Variants in ECHDC1 observed in about 807,000 individuals in gnomAD.
ECHDC1 encodes ethylmalonyl-CoA decarboxylase 1.
In ECHDC1, 29 loss-of-function variants were observed where a neutral mutation model predicts 29.7. That is an observed-to-expected ratio of 0.98 (90% CI 0.73 to 1.33). The LOEUF is 1.33. ECHDC1 is among the 40% of genes most tolerant of loss of function. The pLI, the probability that ECHDC1 is intolerant of heterozygous loss-of-function variation, is 0.00. For synonymous variants in ECHDC1, 126 were observed against 123.1 expected (o/e 1.02, Z -0.15); for missense variants, 328 against 350.0 (o/e 0.94, Z 0.50).
At chr6:127,304,885 A>T (rs1781329437) in intron 5 of ECHDC1, among the ~76,000 whole-genome samples, 1 of 152,176 alleles carries the variant, frequency 6.6e-6, no homozygotes. Context: ...AAAAGAAAAA[A>T]GATAAAAAAG....
intron 1 of ECHDC1, among the ~76,000 whole-genome samples, chr6:127,341,340 T>C (rs1250850987): frequency 6.6e-6 from 1 of 152,216 alleles, no homozygotes; most frequent in African/African-American, 2.4e-5. Flanking sequence ...GAGACTATCT[T>C]AGACAAAAGC....
chr6:127,339,784 AAAAAAG>A (rs1377635759), intron 1 of ECHDC1, among the ~76,000 whole-genome samples: 25 of 152,076 alleles, frequency 1.6e-4, no homozygotes, highest in African/African-American at 5.1e-4. Context: ...CAAAAAAAAA[AAAAAAG>A]AAAGAAAGAA....
At chr6:127,319,461 GTA>G (rs1782665450) in intron 3 of ECHDC1, among the ~76,000 whole-genome samples, 1 of 152,138 alleles carries the variant, frequency 6.6e-6, no homozygotes, top group Admixed American at 6.5e-5. Flanking sequence ...TAGATAATGA[GTA>G]TGTTTTGGTT....
intron 5 of ECHDC1, among the ~76,000 whole-genome samples, chr6:127,297,022 AAG>A (rs996023417): frequency 6.6e-6 from 1 of 152,138 alleles, no homozygotes; most frequent in African/African-American, 2.4e-5. Flanking sequence ...AAGAAAAAAA[AAG>A]AGAAAAAAAA....
rs188906343 is a variant in ECHDC1, at chr6:127,341,030, G to C, written c.-3+2306C>G. ...AACATTAAATATTTAAGTAATAGTA[G>C]TATTTTGCCTCATTAGACATCTTTG... On this transcript the variant is annotated intron_variant, in intron 1 of 5. Coordinates refer to ENST00000454859, the MANE Select transcript of ECHDC1 (RefSeq NM_001002030.2). 2.6e-4 allele frequency among the ~76,000 whole-genome samples: 40 copies of C among 152,234 alleles called. 1 individual carries two copies. The highest frequency in any genetic ancestry group is 2.3e-3 in the Admixed American group (35 of 15,294).
At chr6:127,324,221 T>C (rs896455555) in intron 3 of ECHDC1, among the ~76,000 whole-genome samples, 1 of 152,182 alleles carries the variant, frequency 6.6e-6, no homozygotes, top group Non-Finnish European at 1.5e-5. Context: ...AAAGTGATGA[T>C]ATTGAATTTG....
At chr6:127,332,964 T>C (rs1784097297) in intron 1 of ECHDC1, among the ~76,000 whole-genome samples, 1 of 152,186 alleles carries the variant, frequency 6.6e-6, no homozygotes, top group Non-Finnish European at 1.5e-5. Flanking sequence ...AGCTAATTTT[T>C]CTATTTTTAG....
At chr6:127,324,724 A>T (rs568653216) in intron 3 of ECHDC1, among the ~76,000 whole-genome samples, 139 of 152,344 alleles carry the variant, frequency 9.1e-4, no homozygotes, top group African/African-American at 3.2e-3. Context: ...TAGGGGAGTG[A>T]CAAAAGAAGA....
At chr6:127,342,881 T>C (rs2114728092) in intron 1 of ECHDC1, 1 of 153,256 alleles carries the variant, frequency 6.5e-6, no homozygotes, top group East Asian at 1.9e-4. Context: ...TCTTGAAAAG[T>C]TGGCTGCACG....
intron 5 of ECHDC1, among the ~76,000 whole-genome samples, chr6:127,300,636 T>C (rs1460406967): frequency 1.3e-5 from 2 of 152,156 alleles, no homozygotes; most frequent in Non-Finnish European, 2.9e-5. Flanking sequence ...CAAAGACTCA[T>C]CCCCCATCTG....
chr6:127,311,756 A>G (rs1781954951), intron 5 of ECHDC1, among the ~76,000 whole-genome samples: 1 of 147,274 alleles, frequency 6.8e-6, no homozygotes, highest in South Asian at 2.2e-4. Context: ...TTTATATCAG[A>G]AAAAAAACAG....
intron 5 of ECHDC1, among the ~76,000 whole-genome samples, chr6:127,293,308 T>G (rs1037077296): frequency 2.6e-5 from 4 of 152,184 alleles, no homozygotes; most frequent in African/African-American, 9.6e-5. Flanking sequence ...TGTTGATTAT[T>G]AAAGCAAGGT....
At chr6:127,307,577 A>G (rs1388201152) in intron 5 of ECHDC1, among the ~76,000 whole-genome samples, 1 of 146,530 alleles carries the variant, frequency 6.8e-6, no homozygotes, top group Non-Finnish European at 1.5e-5. Context: ...GGTTGCAGTG[A>G]GCTGAGATTA....
intron 3 of ECHDC1, among the ~76,000 whole-genome samples, chr6:127,320,237 G>A (rs1318486052): frequency 3.3e-5 from 5 of 152,030 alleles, no homozygotes; most frequent in Non-Finnish European, 2.9e-5. Flanking sequence ...GGTTGGTCTC[G>A]AACTCCTGAC....
At chr6:127,296,830 C>T (rs1780639624) in intron 5 of ECHDC1, among the ~76,000 whole-genome samples, 1 of 152,002 alleles carries the variant, frequency 6.6e-6, no homozygotes, top group Admixed American at 6.5e-5. Flanking sequence ...CATGACAAAA[C>T]CCCGTCTCTA....
chr6:127,327,014 T>C lies in ECHDC1; in HGVS notation c.351A>G (p.Leu117=), dbSNP rs779128135. Residue 117 remains leucine, a synonymous_variant, in exon 3 of 6, where the codon CTA becomes CTG. Transcript: ENST00000454859. The part of the protein sequence containing the change: ...SGSDLNAVKS[L]GTPEDGMAVC... ...ATATAACACTTGCCTCTGGAGTTCC[T>C]AGTGATTTCACAGCATTCAGATCAG... The C allele has an allele frequency of 3.0e-5, 48 of 1,613,558 alleles. 1 individual carries two copies. The highest frequency in any genetic ancestry group is 3.6e-5 in the Non-Finnish European group (42 of 1,179,814).
chr6:127,302,884 G>T (rs1335164246), intron 5 of ECHDC1, among the ~76,000 whole-genome samples: 4 of 152,094 alleles, frequency 2.6e-5, no homozygotes, highest in African/African-American at 7.2e-5. Context: ...CCTCTTCGCA[G>T]AATAAAATGT....
chr6:127,327,278 T>A, intron 2 of ECHDC1, 134 bp from the exon 3 acceptor site: 6 of 990,074 alleles, frequency 6.1e-6, no homozygotes, highest in Non-Finnish European at 5.8e-6. Flanking sequence ...GTCTATCAAA[T>A]GCCTACTGCA....
chr6:127,324,224 T>G lies in ECHDC1; in HGVS notation c.363+2778A>C, dbSNP rs555772860. Among the ~76,000 whole-genome samples the G allele has an allele frequency of 9.2e-4, 140 of 152,296 alleles. 1 individual carries two copies. The highest frequency in any genetic ancestry group is 3.4e-3 in the Middle Eastern group (1 of 294). On this transcript the variant is annotated intron_variant, in intron 3 of 5. Transcript: ENST00000454859. ...ACTGCTAAAGGAAAAGTGATGATAT[T>G]GAATTTGATCTATCATCTTAATATT...
Sources: gnomAD v4.1 joint callset for allele counts (sites outside exome capture counted in the v4.1 genomes callset) on GRCh38, gnomAD v4.1.1 for gene constraint, MANE v1.5 for transcripts, NCBI Gene and HGNC (gene_info 2026-07-23, HGNC 2026-07-21) for gene names.